The following MROH7 variants were observed in gnomAD, a reference collection of about 807,000 sequenced individuals.
The protein encoded by MROH7 is maestro heat like repeat family member 7, also known as maestro heat-like repeat-containing protein family member 7.
A neutral mutation model predicts 129.2 loss-of-function variants in MROH7; 113 were observed. The observed-to-expected ratio is 0.87, with a 90% CI of 0.75 to 1.02. MROH7 has a LOEUF of 1.02. Ranked by LOEUF, MROH7 falls within the 50% of genes least tolerant of loss-of-function variation. The pLI is 0.00. For synonymous variants in MROH7, 655 were observed against 667.9 expected, an observed-to-expected ratio of 0.98 and a Z score of 0.30; for missense variants, 1,601 against 1,671.3, an observed-to-expected ratio of 0.96 and a Z score of 0.73.
In MROH7 at chr1:54,678,805, G is replaced by A. The variant is rs904774966; in HGVS notation, c.2000G>A (p.Gly667Glu). The A allele has an allele frequency of 1.9e-6, 3 of 1,614,000 alleles. No homozygotes were observed. The highest frequency in any genetic ancestry group is 2.2e-5 in the East Asian group (1 of 44,894). ...ELYESNKHFL[G>E]PYNPVSPCQN... ...TATGAGAGCAACAAGCATTTCCTGGGGCCCTACAACCCTGTGAGCCCGTGC... is the reference window on the plus strand; with the variant it reads ...TATGAGAGCAACAAGCATTTCCTGGAGCCCTACAACCCTGTGAGCCCGTGC... The change falls in exon 11 of 24, where the codon GGG becomes GAG. Residue 667 changes from glycine to glutamate, a missense_variant. Physicochemically the swap from Gly to Glu is moderately conservative, Grantham distance 98. Coordinates refer to ENST00000421030, the MANE Select transcript of MROH7 (RefSeq NM_001039464.4).
intron 10 of MROH7, among the ~76,000 whole-genome samples, chr1:54,674,709 A>G (rs1017716908): frequency 3.3e-5 from 5 of 152,204 alleles, no homozygotes; most frequent in Admixed American, 6.5e-5. Context: ...GTGATGTGGT[A>G]TGGGCTGACA....
In MROH7 at chr1:54,686,343, T is replaced by C. The variant is rs770226786; in HGVS notation, c.2606T>C (p.Leu869Pro). 1 of 1,614,190 alleles carries C rather than the reference T, an allele frequency of 6.2e-7. No individual in the cohort carries two copies. The highest frequency in any genetic ancestry group is 1.1e-5 in the South Asian group (1 of 91,088). ...ATCTACCCTCAGCTGCTCCTGGCCC[T>C]GCTCATTCAGGTCCATTACCACATC... Reference protein sequence around the residue: ...RRIYPQLLLALLIQVHYHIGL... With the variant: ...RRIYPQLLLAPLIQVHYHIGL... Residue 869 changes from leucine (L) to proline (P), a missense_variant, in exon 15 of 24, where the codon CTG becomes CCG. Physicochemically the swap from Leu to Pro is moderately conservative, Grantham distance 98. Transcript: ENST00000421030.
In MROH7 at chr1:54,703,604, C is replaced by T. The variant is rs1645473888; in HGVS notation, c.3564+859C>T. ...TTCCTTTCTCGGTGATACCTGTGAACATCATGAGGTAGGAGCAAGCCGCGT... is the reference window on the plus strand; with the variant it reads ...TTCCTTTCTCGGTGATACCTGTGAATATCATGAGGTAGGAGCAAGCCGCGT... On this transcript the variant is annotated intron_variant, in intron 21 of 23. Transcript: ENST00000421030. The surrounding 1 kb of genome is among the most constrained non-coding windows in gnomAD (Gnocchi z 4.4). Among the ~76,000 whole-genome samples, 1 of 151,908 alleles carries T rather than the reference C, an allele frequency of 6.6e-6. No individual in the cohort carries two copies. Among genetic ancestry groups the T allele is most frequent in the African/African-American group, 2.4e-5 (1 of 41,338 alleles).
intron 17 of MROH7, chr1:54,699,191 TTCTTTCTTTC>T (rs1645390086): frequency 1.8e-5 from 2 of 110,594 alleles, no homozygotes; most frequent in Non-Finnish European, 3.9e-5. Context: ...TTCTTTCTCT[TTCTTTCTTTC>T]TTTCTCTCCC....
chr1:54,694,956 A>G (rs1435389353), intron 16 of MROH7, among the ~76,000 whole-genome samples: 1 of 152,144 alleles, frequency 6.6e-6, no homozygotes, highest in Admixed American at 6.5e-5. Flanking sequence ...CTGTTTCCTC[A>G]TCTATGAAAT....
In MROH7 at chr1:54,703,110, T is replaced by A. The variant is rs1645466060; in HGVS notation, c.3564+365T>A. On this transcript the variant is annotated intron_variant, in intron 21 of 23. Transcript: ENST00000421030. This position sits in a 1 kb window ranked among gnomAD's most constrained non-coding sequence, Gnocchi z 4.4. ...CTCCACATTTGATCAATCTTAAATATCCCGAGTATCTTGGAATCTGCTTTT... is the reference window on the plus strand; with the variant it reads ...CTCCACATTTGATCAATCTTAAATAACCCGAGTATCTTGGAATCTGCTTTT... Among the ~76,000 whole-genome samples, 2 of 152,094 alleles carry A rather than the reference T, an allele frequency of 1.3e-5. No individual in the cohort carries two copies. Among genetic ancestry groups the A allele is most frequent in the Non-Finnish European group, 2.9e-5 (2 of 68,026 alleles).
chr1:54,658,156 TACTCTAGGTACCTCATATAACG>T, intron 3 of MROH7, among the ~76,000 whole-genome samples: 1 of 152,338 alleles, frequency 6.6e-6, no homozygotes, highest in East Asian at 1.9e-4. Flanking sequence ...TGATTTTCAC[TACTCTAGGTACCTCATATAACG>T]ACTTCATTCT....
rs370342214 is a variant in MROH7, at chr1:54,653,242, G to T, written c.316G>T (p.Asp106Tyr). ...ITSSCSGEALDLDSKDVSRPD... is the reference protein window; with the variant it reads ...ITSSCSGEALYLDSKDVSRPD... Reference sequence around the variant, plus strand: ...CAGTTCTTGTTCTGGTGAAGCCCTGGACCTGGATTCCAAGGATGTCTCAAG... The same window carrying T: ...CAGTTCTTGTTCTGGTGAAGCCCTGTACCTGGATTCCAAGGATGTCTCAAG... Residue 106 changes from aspartate to tyrosine, a missense_variant, in exon 3 of 24, where the codon GAC becomes TAC. Coordinates refer to ENST00000421030, the MANE Select transcript of MROH7 (RefSeq NM_001039464.4). 104 of 1,614,018 alleles carry T rather than the reference G, an allele frequency of 6.4e-5. No homozygotes were observed. The highest frequency in any genetic ancestry group is 8.2e-5 in the Non-Finnish European group (97 of 1,180,032).
chr1:54,658,032 C>G (rs1258912609), intron 3 of MROH7, among the ~76,000 whole-genome samples: 1 of 152,104 alleles, frequency 6.6e-6, no homozygotes, highest in Non-Finnish European at 1.5e-5. Context: ...CTATTGGCAC[C>G]ATTTCCTCTC....
intron 3 of MROH7, among the ~76,000 whole-genome samples, chr1:54,658,357 C>A (rs564424339): frequency 6.6e-6 from 1 of 152,120 alleles, no homozygotes; most frequent in African/African-American, 2.4e-5. Flanking sequence ...ATGCCAGTAC[C>A]GTGCTGTTTT....
intron 1 of MROH7, among the ~76,000 whole-genome samples, chr1:54,648,273 T>C (rs1295727263): frequency 6.6e-6 from 1 of 152,172 alleles, no homozygotes; most frequent in Non-Finnish European, 1.5e-5. Context: ...TTTCTGGACT[T>C]GCAATTCTAT....
Position 54,686,306 on chromosome 1 carries a change from C to T in MROH7, c.2569C>T (p.Arg857Cys), listed in dbSNP as rs375083581. Residue 857 changes from arginine to cysteine, a missense_variant, in exon 15 of 24, where the codon CGT becomes TGT. Physicochemically the swap from Arg to Cys is radical, Grantham distance 180. Coordinates refer to ENST00000421030, the MANE Select transcript of MROH7 (RefSeq NM_001039464.4). ...ELLSVNSCMGRVRRIYPQLLL... is the reference protein window; with the variant it reads ...ELLSVNSCMGCVRRIYPQLLL... ...CCTGTCCGTCAACAGCTGCATGGGC[C>T]GTGTGAGGCGCATCTACCCTCAGCT... is the stretch of plus-strand genomic sequence containing the variant. 48 of 1,613,972 alleles carry T rather than the reference C, an allele frequency of 3.0e-5. No homozygotes were observed. The highest frequency in any genetic ancestry group is 1.6e-4 in the Middle Eastern group (1 of 6,082).
At chr1:54,669,874 C>T (rs766378361) in intron 5 of MROH7, among the ~76,000 whole-genome samples, 6 of 151,878 alleles carry the variant, frequency 4.0e-5, no homozygotes, top group South Asian at 2.1e-4. Flanking sequence ...CATGGTGGCA[C>T]GTGTCTGTGG....
At chr1:54,678,698 A>G (rs768543347) in intron 10 of MROH7, 44 bp from the exon 11 acceptor site, 1 of 1,427,108 alleles carries the variant, frequency 7.0e-7, no homozygotes, top group South Asian at 1.1e-5. Context: ...TGTTTAACAA[A>G]AATAGGGAGA....
In MROH7 at chr1:54,653,687, A is replaced by C. The variant is rs1324261088; in HGVS notation, c.761A>C (p.Asn254Thr). The change falls in exon 3 of 24, where the codon AAT (asparagine) becomes ACT (threonine). Residue 254 changes from asparagine to threonine, a missense_variant. Transcript: ENST00000421030. ...GAGACCATCACTTTGGCTTCACATAATATCTCTGAGTCTGTTTCAAAAGGA... is the reference window on the plus strand; with the variant it reads ...GAGACCATCACTTTGGCTTCACATACTATCTCTGAGTCTGTTTCAAAAGGA... ...TNETITLASH[N>T]ISESVSKGAF... is the part of the protein sequence containing the mutation. 3 of 1,614,106 alleles carry C rather than the reference A, an allele frequency of 1.9e-6. No individual in the cohort carries two copies. The East Asian group carries it at 6.7e-5, about 36-fold the overall frequency.
intron 15 of MROH7, among the ~76,000 whole-genome samples, chr1:54,689,486 G>A (rs1173969618): frequency 6.6e-6 from 1 of 152,228 alleles, no homozygotes; most frequent in Non-Finnish European, 1.5e-5. Context: ...AGAGCAAATT[G>A]TCCGTGCTCC....
At chr1:54,664,810 G>T (rs369502850) in intron 3 of MROH7, among the ~76,000 whole-genome samples, 1 of 152,084 alleles carries the variant, frequency 6.6e-6, no homozygotes, top group East Asian at 1.9e-4. Context: ...GCAGGAGTTC[G>T]AGACTAGCCT....
At chr1:54,682,519 C>T in intron 13 of MROH7, 137 bp from the exon 14 acceptor site, 1 of 805,138 alleles carries the variant, frequency 1.2e-6, no homozygotes, top group Non-Finnish European at 2.0e-6. Context: ...GGAGTGTTTT[C>T]TGGACTATTC....
intron 17 of MROH7, 40 bp downstream of exon 17, chr1:54,695,530 C>G (rs756745628): frequency 7.3e-7 from 1 of 1,369,476 alleles, no homozygotes; most frequent in Admixed American, 1.8e-5. Flanking sequence ...GGAGCTCCTC[C>G]CGGGCCTCGG....
Sources: allele counts gnomAD v4.1 joint callset (sites outside exome capture counted in the v4.1 genomes callset), GRCh38; gene constraint gnomAD v4.1.1; non-coding constraint Gnocchi (gnomAD v3.1); transcripts MANE v1.5; gene names NCBI Gene and HGNC (gene_info 2026-07-23, HGNC 2026-07-21).